Variants in ADAMTS17 observed in about 807,000 individuals in gnomAD.
ADAMTS17 encodes the protein A disintegrin and metalloproteinase with thrombospondin motifs 17.
Under a neutral mutation model 141.5 loss-of-function variants are expected in ADAMTS17, and 113 were observed. That is an observed-to-expected ratio of 0.80 (90% CI 0.69 to 0.93). The LOEUF is 0.93. Ranked by LOEUF, ADAMTS17 falls within the 40% of genes least tolerant of loss-of-function variation. ADAMTS17 has a pLI of 0.00. For missense variants in ADAMTS17, 1,659 were observed against 1,517.9 expected, an observed-to-expected ratio of 1.09 and a Z score of -1.54; for synonymous variants, 768 against 630.6, an observed-to-expected ratio of 1.22 and a Z score of -3.27.
intron 3 of ADAMTS17, among the ~76,000 whole-genome samples, chr15:100,325,875 C>T (rs779780238): frequency 3.3e-5 from 5 of 152,192 alleles, no homozygotes; most frequent in African/African-American, 4.8e-5. Context: ...ATCTGCAAGC[C>T]AAGGAGAGAA....
chr15:100,194,218 T>C (rs1216213624), intron 8 of ADAMTS17, among the ~76,000 whole-genome samples: 1 of 152,056 alleles, frequency 6.6e-6, no homozygotes, highest in African/African-American at 2.4e-5. Flanking sequence ...CCTTACCTGA[T>C]TGAGACACAG....
intron 18 of ADAMTS17, among the ~76,000 whole-genome samples, chr15:100,005,796 C>T (rs1260520215): frequency 6.6e-6 from 1 of 152,132 alleles, no homozygotes; most frequent in Non-Finnish European, 1.5e-5. Context: ...GAATCTATTC[C>T]CTCACAGTTT....
intron 7 of ADAMTS17, among the ~76,000 whole-genome samples, chr15:100,251,096 A>C (rs1023053888): frequency 5.3e-5 from 8 of 152,202 alleles, no homozygotes; most frequent in African/African-American, 1.7e-4. Flanking sequence ...AAAAGAAAAA[A>C]AGGCATCAGC....
chr15:100,138,025 A>G (rs978324429), intron 10 of ADAMTS17, among the ~76,000 whole-genome samples: 2 of 152,190 alleles, frequency 1.3e-5, no homozygotes, highest in Admixed American at 6.5e-5. Flanking sequence ...GAAAGCTCTT[A>G]TATCTCAGTT....
At chr15:100,148,033 A>C (rs890936717) in intron 10 of ADAMTS17, among the ~76,000 whole-genome samples, 1 of 152,138 alleles carries the variant, frequency 6.6e-6, no homozygotes, top group African/African-American at 2.4e-5. Flanking sequence ...TTCTATTGCT[A>C]CATCTCTTAT....
intron 8 of ADAMTS17, among the ~76,000 whole-genome samples, chr15:100,161,308 T>G (rs370172293): frequency 6.6e-6 from 1 of 152,208 alleles, no homozygotes; most frequent in African/African-American, 2.4e-5. Context: ...AGCTTCAGCT[T>G]TACCTGGCTC....
intron 15 of ADAMTS17, among the ~76,000 whole-genome samples, chr15:100,086,969 G>T (rs988710474): frequency 6.6e-6 from 1 of 152,078 alleles, no homozygotes; most frequent in Non-Finnish European, 1.5e-5. Context: ...AAAGCATGCA[G>T]AAGGCAAGAA....
chr15:99,994,563 CTCTT>C (rs1456228393), intron 19 of ADAMTS17, among the ~76,000 whole-genome samples: 2 of 152,016 alleles, frequency 1.3e-5, no homozygotes, highest in Admixed American at 6.6e-5. Flanking sequence ...ATCTAGCTTT[CTCTT>C]TTTTTATTTT....
chr15:100,252,203 G>C (rs1232842893), intron 7 of ADAMTS17, among the ~76,000 whole-genome samples: 2 of 152,214 alleles, frequency 1.3e-5, no homozygotes, highest in Non-Finnish European at 2.9e-5. Flanking sequence ...CGGAAAGCTA[G>C]CCATAAATCC....
At chr15:100,077,202 G>A (rs958775593) in intron 15 of ADAMTS17, among the ~76,000 whole-genome samples, 2 of 149,942 alleles carry the variant, frequency 1.3e-5, no homozygotes, top group African/African-American at 4.9e-5. Flanking sequence ...CCAGCAGTTT[G>A]GGAGGCTGAG....
intron 18 of ADAMTS17, among the ~76,000 whole-genome samples, chr15:100,007,437 G>A (rs1374857995): frequency 6.6e-6 from 1 of 151,386 alleles, no homozygotes; most frequent in Admixed American, 6.6e-5. Context: ...TTTTTGAGAC[G>A]GAGATGGAGT....
intron 20 of ADAMTS17, among the ~76,000 whole-genome samples, chr15:99,990,788 C>T (rs2060674767): frequency 6.6e-6 from 1 of 152,134 alleles, no homozygotes; most frequent in South Asian, 2.1e-4. Flanking sequence ...AGCAAAATTA[C>T]CTGCCTGAGC....
chr15:100,084,684 C>A (rs1280479147), intron 15 of ADAMTS17, among the ~76,000 whole-genome samples: 3 of 152,180 alleles, frequency 2.0e-5, no homozygotes, highest in Non-Finnish European at 4.4e-5. Context: ...TTGCAATTCA[C>A]CAATAGGCGC....
chr15:99,999,052 C>T (rs1005241974), intron 18 of ADAMTS17, among the ~76,000 whole-genome samples: 14 of 152,156 alleles, frequency 9.2e-5, no homozygotes, highest in Non-Finnish European at 1.9e-4. Context: ...GGGTACTGGA[C>T]GGTGCCAGCT....
At chr15:100,076,308 GC>G (rs1244712050) in intron 15 of ADAMTS17, among the ~76,000 whole-genome samples, 2 of 152,188 alleles carry the variant, frequency 1.3e-5, no homozygotes, top group Non-Finnish European at 2.9e-5. Context: ...CTCCCAAAGT[GC>G]TGGGGTTACA....
chr15:100,251,649 G>A (rs1044255284), intron 7 of ADAMTS17, among the ~76,000 whole-genome samples: 20 of 152,118 alleles, frequency 1.3e-4, no homozygotes, highest in African/African-American at 3.6e-4. Flanking sequence ...GGCAGAACCC[G>A]GGAGCCAGAA....
chr15:100,017,698 A>C (rs534466717), intron 18 of ADAMTS17, among the ~76,000 whole-genome samples: 88 of 152,216 alleles, frequency 5.8e-4, no homozygotes, highest in Admixed American at 2.0e-3. Context: ...CAGTTTGGGC[A>C]CTCACAGTAT....
intron 18 of ADAMTS17, among the ~76,000 whole-genome samples, chr15:100,015,955 A>G (rs1329734780): frequency 6.6e-6 from 1 of 152,136 alleles, no homozygotes; most frequent in Non-Finnish European, 1.5e-5. Flanking sequence ...ATTCCCTCAA[A>G]TATATTTTCC....
At position 100,110,824 on chromosome 15, in the gene ADAMTS17, C is replaced by G. The variant is rs147549334; in HGVS notation, c.1889-1708G>C. 3.9e-5 allele frequency among the ~76,000 whole-genome samples: 6 copies of G among 152,236 alleles called. No homozygotes were observed. In the East Asian group the frequency reaches 9.7e-4, roughly 25 times the overall value. On this transcript the variant is annotated intron_variant, in intron 13 of 21. Coordinates refer to ENST00000268070, the MANE Select transcript of ADAMTS17 (RefSeq NM_139057.4). The stretch of plus-strand genomic sequence containing the variant: ...CAGGGACAGAGAGAGGCTTCTGAGC[C>G]GACCTGGCCTCGGACGACCTTGGCA...
Sources: allele counts gnomAD v4.1 joint callset (sites outside exome capture counted in the v4.1 genomes callset), GRCh38; gene constraint gnomAD v4.1.1; transcripts MANE v1.5; gene names NCBI Gene and HGNC (gene_info 2026-07-23, HGNC 2026-07-21).